CMPK1: variants seen among roughly 807,000 people sequenced by gnomAD.
CMPK1 encodes the protein UMP-CMP kinase.
CMPK1 carries 10 observed loss-of-function variants against 25.7 expected under a neutral mutation model. That is an observed-to-expected ratio of 0.39 (90% CI 0.24 to 0.66). The LOEUF is 0.66. Ranked by LOEUF, CMPK1 falls within the 30% of genes least tolerant of loss-of-function variation. The pLI, the probability that CMPK1 is intolerant of heterozygous loss-of-function variation, is 0.48. For missense variants in CMPK1, 199 were observed against 280.5 expected (o/e 0.71, Z 2.08); for synonymous variants, 106 against 101.5 (o/e 1.04, Z -0.27).
intron 1 of CMPK1, among the ~76,000 whole-genome samples, chr1:47,364,712 T>C (rs1383080430): frequency 6.7e-6 from 1 of 148,504 alleles, no homozygotes; most frequent in Non-Finnish European, 1.5e-5. Context: ...ATATAAATTG[T>C]ATAATATATA....
chr1:47,354,730 T>G (rs1364998980), intron 1 of CMPK1, among the ~76,000 whole-genome samples: 2 of 152,188 alleles, frequency 1.3e-5, no homozygotes, highest in East Asian at 3.9e-4. Flanking sequence ...AAGTTTAGAT[T>G]TGTTTTGGTG....
chr1:47,373,863 A>G (rs1646691828), intron 3 of CMPK1, among the ~76,000 whole-genome samples: 1 of 152,236 alleles, frequency 6.6e-6, no homozygotes, highest in African/African-American at 2.4e-5. Context: ...TGATCTTGAA[A>G]AAAGTAAAAA....
chr1:47,358,666 A>G, intron 1 of CMPK1: 1 of 986,118 alleles, frequency 1.0e-6, no homozygotes, highest in Non-Finnish European at 1.2e-6. Flanking sequence ...CAGTGTTCTG[A>G]GTGTGTGATT....
intron 5 of CMPK1, 33 bp downstream of exon 5, chr1:47,375,326 T>C (rs752778206): frequency 3.8e-6 from 5 of 1,329,302 alleles, no homozygotes; most frequent in Admixed American, 2.3e-5. Flanking sequence ...TAAAAAAATA[T>C]GTCAAATAAA....
intron 1 of CMPK1, among the ~76,000 whole-genome samples, chr1:47,342,562 A>G (rs928922887): frequency 6.6e-6 from 1 of 152,044 alleles, no homozygotes; most frequent in Non-Finnish European, 1.5e-5. Context: ...GTATATGAAT[A>G]TCATCTTGGA....
chr1:47,341,460 C>A (rs1265932690), intron 1 of CMPK1, among the ~76,000 whole-genome samples: 1 of 152,044 alleles, frequency 6.6e-6, no homozygotes, highest in Non-Finnish European at 1.5e-5. Flanking sequence ...CCTCTGCCTT[C>A]CAGGTTCAAG....
chr1:47,358,805 T>A, intron 1 of CMPK1: 1 of 984,436 alleles, frequency 1.0e-6, no homozygotes, highest in Non-Finnish European at 1.2e-6. Flanking sequence ...TATTTAGGAT[T>A]CTGTCTCCTT....
intron 1 of CMPK1, among the ~76,000 whole-genome samples, chr1:47,345,141 C>T (rs1288710406): frequency 1.3e-5 from 2 of 152,136 alleles, no homozygotes; most frequent in Non-Finnish European, 2.9e-5. Flanking sequence ...TGGTCTCAAA[C>T]TCCTGACCTC....
intron 5 of CMPK1, 69 bp downstream of exon 5, chr1:47,375,362 G>A: frequency 9.0e-7 from 1 of 1,112,612 alleles, no homozygotes; most frequent in Non-Finnish European, 1.3e-6. Flanking sequence ...TTTGGGGTAA[G>A]CAGGAAAAAA....
chr1:47,352,522 G>C (rs1054507640), intron 1 of CMPK1, among the ~76,000 whole-genome samples: 1 of 118,316 alleles, frequency 8.5e-6, no homozygotes. Flanking sequence ...GGAAGGTGGG[G>C]AGGGATAGGG....
Position 47,376,763 on chromosome 1 carries a change from T to G in CMPK1, c.*18T>G, listed in dbSNP as rs1246062425. ...AAGGCTAATTCTAAACCTGAAGGCA[T>G]CCTTGAAATCATGCTTGAATATTGC... On this transcript the variant is annotated 3_prime_UTR_variant, in exon 6 of 6. Transcript: ENST00000371873. 3.4e-6 allele frequency: 5 copies of G among 1,463,316 alleles called. No homozygotes were observed. Among genetic ancestry groups the G allele is most frequent in the Middle Eastern group, 1.8e-4 (1 of 5,668 alleles). 90.6% of individuals were successfully genotyped at this position (1,463,316 alleles called of 1,614,324 possible).
At chr1:47,356,979 T>C (rs1340704586) in intron 1 of CMPK1, among the ~76,000 whole-genome samples, 1 of 150,856 alleles carries the variant, frequency 6.6e-6, no homozygotes, top group Admixed American at 6.6e-5. Context: ...TTTTTTTTTT[T>C]TTGAGACCGA....
chr1:47,378,190 A>C lies in CMPK1; in HGVS notation c.*1445A>C, dbSNP rs1405415236. On this transcript the variant is annotated 3_prime_UTR_variant, in exon 6 of 6. Coordinates refer to ENST00000371873, the MANE Select transcript of CMPK1 (RefSeq NM_016308.3). ...TGTTATGAAATTCACTTAATGATAA[A>C]TTTTTCAACATACTTGCCATTAGAA... 2 of 152,158 alleles carry C rather than the reference A, an allele frequency of 1.3e-5. No homozygotes were observed. 9.4% of individuals were successfully genotyped at this position (152,158 alleles called of 1,614,324 possible).
At chr1:47,354,479 AC>A (rs1252309476) in intron 1 of CMPK1, among the ~76,000 whole-genome samples, 1 of 151,412 alleles carries the variant, frequency 6.6e-6, no homozygotes, top group Non-Finnish European at 1.5e-5. Flanking sequence ...ATCTCATCCT[AC>A]CCTCCTTATG....
intron 4 of CMPK1, 56 bp downstream of exon 4, chr1:47,375,041 A>G: frequency 9.8e-6 from 14 of 1,425,890 alleles, no homozygotes; most frequent in Non-Finnish European, 1.4e-5. Flanking sequence ...CTTATTTGGT[A>G]CAGGAATAAA....
chr1:47,376,363 T>G (rs1355301502), intron 5 of CMPK1, among the ~76,000 whole-genome samples: 2 of 152,140 alleles, frequency 1.3e-5, no homozygotes, highest in East Asian at 3.8e-4. Flanking sequence ...TTGCCCAGGC[T>G]GGAGTGCAAT....
intron 1 of CMPK1, chr1:47,358,715 C>T: frequency 1.0e-6 from 1 of 985,142 alleles, no homozygotes; most frequent in Non-Finnish European, 1.2e-6. Flanking sequence ...TTGCTGAGTT[C>T]TTTGTGTTTC....
chr1:47,359,386 CTTTTTTT>C (rs71053107), intron 1 of CMPK1, among the ~76,000 whole-genome samples: 3 of 102,756 alleles, frequency 2.9e-5, no homozygotes, highest in African/African-American at 8.7e-5. Context: ...AACCTTTTTT[CTTTTTTT>C]TTTTTTTTTT....
At chr1:47,347,029 C>T (rs1264241730) in intron 1 of CMPK1, among the ~76,000 whole-genome samples, 6 of 147,556 alleles carry the variant, frequency 4.1e-5, no homozygotes, top group Non-Finnish European at 6.0e-5. Flanking sequence ...ATGATCCACC[C>T]GCCTCGGCCT....
Sources: gnomAD v4.1 joint callset for allele counts (sites outside exome capture counted in the v4.1 genomes callset) on GRCh38, gnomAD v4.1.1 for gene constraint, MANE v1.5 for transcripts, NCBI Gene and HGNC (gene_info 2026-07-23, HGNC 2026-07-21) for gene names.